DDX42: variants seen among roughly 807,000 people sequenced by gnomAD.
DDX42 encodes ATP-dependent RNA helicase DDX42.
Under a neutral mutation model 101.5 loss-of-function variants are expected in DDX42, and 22 were observed. The observed-to-expected ratio is 0.22, with a 90% CI of 0.15 to 0.31. The LOEUF (loss-of-function observed/expected upper bound fraction) is 0.31, where lower values mean the gene tolerates loss of function less well. Ranked by LOEUF, DDX42 falls within the 10% of genes least tolerant of loss-of-function variation. The pLI is 1.00. For missense variants in DDX42, 849 were observed against 1,199.9 expected, an observed-to-expected ratio of 0.71 and a Z score of 4.32; for synonymous variants, 402 against 401.2, an observed-to-expected ratio of 1.00 and a Z score of -0.02.
chr17:63,805,021 C>A (rs1385912012), intron 6 of DDX42, 50 bp from the exon 7 acceptor site: 3 of 1,551,116 alleles, frequency 1.9e-6, no homozygotes, highest in Admixed American at 2.3e-5. Context: ...ATCAAACTTA[C>A]AGAATTGACT....
At chr17:63,806,499 G>A (rs753875022) in intron 7 of DDX42, 36 bp from the exon 8 acceptor site, 4 of 1,595,192 alleles carry the variant, frequency 2.5e-6, no homozygotes, top group Non-Finnish European at 3.4e-6. Flanking sequence ...TAATGTTGAA[G>A]TACAAGTCAT....
chr17:63,808,517 A>T (rs1365003776), intron 9 of DDX42, among the ~76,000 whole-genome samples: 1 of 152,018 alleles, frequency 6.6e-6, no homozygotes, highest in Non-Finnish European at 1.5e-5. Context: ...TGATATGGGG[A>T]TTGTTTGTAT....
chr17:63,787,308 C>G (rs1567731557), intron 2 of DDX42, 38 bp downstream of exon 2: 1 of 1,598,918 alleles, frequency 6.3e-7, no homozygotes, highest in Non-Finnish European at 8.6e-7. Context: ...AAAGTTTGGA[C>G]TTTGATATAT....
Position 63,777,816 on chromosome 17 carries a change from A to C in DDX42, c.-17+3440A>C, listed in dbSNP as rs1234741876. ...GAGTTGGTATTTGAGATATGCTTTGAAGGATAGGACTTTGGTAGGTACTCA... is the reference window on the plus strand; with the variant it reads ...GAGTTGGTATTTGAGATATGCTTTGCAGGATAGGACTTTGGTAGGTACTCA... On this transcript the variant is annotated intron_variant, in intron 1 of 17. Transcript: ENST00000389924. Among the ~76,000 whole-genome samples the C allele has an allele frequency of 4.6e-5, 7 of 152,250 alleles. No individual in the cohort carries two copies. In the East Asian group the frequency reaches 1.3e-3, roughly 29 times the overall value.
intron 3 of DDX42, among the ~76,000 whole-genome samples, chr17:63,797,826 A>G (rs1490531408): frequency 6.6e-6 from 1 of 152,246 alleles, no homozygotes; most frequent in African/African-American, 2.4e-5. Flanking sequence ...GCACATTATT[A>G]CAGATAAAAT....
Position 63,786,979 on chromosome 17 carries a change from G to A in DDX42, c.-16-55G>A, listed in dbSNP as rs891993846. 3 of 1,586,474 alleles carry A rather than the reference G, an allele frequency of 1.9e-6. No homozygotes were observed. The African/African-American group carries it at 4.0e-5, about 21-fold the overall frequency. Reference sequence around the variant, plus strand: ...GCGTGACCCACCGCGCCCGGCCCTTGGGGCTATACACTTTTTTAAGTTTAA... The same window carrying A: ...GCGTGACCCACCGCGCCCGGCCCTTAGGGCTATACACTTTTTTAAGTTTAA... On this transcript the variant is annotated intron_variant, in intron 1 of 17. Coordinates refer to ENST00000389924, the MANE Select transcript of DDX42 (RefSeq NM_203499.3).
chr17:63,781,072 A>G (rs2039482165), intron 1 of DDX42, among the ~76,000 whole-genome samples: 1 of 152,132 alleles, frequency 6.6e-6, no homozygotes, highest in African/African-American at 2.4e-5. Flanking sequence ...TAAACAGCCT[A>G]CAAAGTACTC....
At chr17:63,788,771 G>A (rs1356178250) in intron 2 of DDX42, among the ~76,000 whole-genome samples, 1 of 152,118 alleles carries the variant, frequency 6.6e-6, no homozygotes, top group Non-Finnish European at 1.5e-5. Context: ...GGATTTAAGG[G>A]GTTGAGTTCT....
chr17:63,779,350 G>T (rs1471613749), intron 1 of DDX42, among the ~76,000 whole-genome samples: 1 of 151,956 alleles, frequency 6.6e-6, no homozygotes. Context: ...TGCAACCTCC[G>T]ACTCCTGGGT....
rs116164375 is a variant in DDX42 at position 63,802,313 on chromosome 17, G to T, written c.621+1696G>T. Among the ~76,000 whole-genome samples the T allele has an allele frequency of 2.5e-3, 379 of 152,280 alleles. 3 individuals carry two copies. Among genetic ancestry groups the T allele is most frequent in the African/African-American group, 8.8e-3 (367 of 41,568 alleles). ...TGGGAAGTACGCATAAAGCATTTCTGTTGCATACCAAAATATGATAGCCAT... is the reference window on the plus strand; with the variant it reads ...TGGGAAGTACGCATAAAGCATTTCTTTTGCATACCAAAATATGATAGCCAT... On this transcript the variant is annotated intron_variant, in intron 6 of 17. Transcript: ENST00000389924.
chr17:63,795,533 T>G (rs2039682762), intron 3 of DDX42, among the ~76,000 whole-genome samples: 2 of 152,134 alleles, frequency 1.3e-5, no homozygotes, highest in African/African-American at 4.8e-5. Flanking sequence ...TAGAAAATAT[T>G]TTTTCCCAGG....
chr17:63,785,755 A>G (rs1400652054), intron 1 of DDX42, among the ~76,000 whole-genome samples: 2 of 152,212 alleles, frequency 1.3e-5, no homozygotes, highest in African/African-American at 2.4e-5. Flanking sequence ...AGTGAATCAT[A>G]GTTTCTTCCT....
chr17:63,818,463 G>A lies in DDX42; in HGVS notation c.*65G>A, dbSNP rs951137823. On this transcript the variant is annotated 3_prime_UTR_variant, in exon 18 of 18. Coordinates refer to ENST00000389924, the MANE Select transcript of DDX42 (RefSeq NM_203499.3). ...TTTAGAAAGATTTTGGTAACTAGGT[G>A]TCTCAGGGCTGGGTTGGGGTCCAAA... The A allele has an allele frequency of 1.3e-6, 2 of 1,492,154 alleles. No individual in the cohort carries two copies. Among genetic ancestry groups the A allele is most frequent in the Non-Finnish European group, 1.8e-6 (2 of 1,112,262 alleles). The allele number at this position is 1,492,154 out of a possible 1,614,324, so 92.4% of individuals were successfully genotyped here. A position where few individuals can be genotyped will look rare whatever the true frequency, so the allele number is the denominator to read the frequency against.
At chr17:63,815,346 C>T (rs2039964005) in intron 15 of DDX42, among the ~76,000 whole-genome samples, 5 of 152,184 alleles carry the variant, frequency 3.3e-5, no homozygotes, top group Admixed American at 3.3e-4. Context: ...TGTAGGAAGC[C>T]TTAGATAAGG....
chr17:63,798,155 A>G (rs951965164), intron 4 of DDX42, 56 bp downstream of exon 4: 17 of 1,537,096 alleles, frequency 1.1e-5, no homozygotes, highest in East Asian at 2.3e-5. Flanking sequence ...GAAGTATTGC[A>G]AAGTCTATTC....
intron 2 of DDX42, among the ~76,000 whole-genome samples, chr17:63,788,312 T>C (rs899762072): frequency 1.4e-4 from 8 of 57,406 alleles, no homozygotes; most frequent in Admixed American, 9.7e-4. Context: ...ATCTGAGTCT[T>C]TTTTTTTTTT....
At chr17:63,808,470 G>A (rs752958752) in intron 9 of DDX42, among the ~76,000 whole-genome samples, 5 of 152,062 alleles carry the variant, frequency 3.3e-5, no homozygotes, top group Admixed American at 6.5e-5. Context: ...CACTGTGCCC[G>A]GCCAGAACTA....
chr17:63,818,957 T>C lies in DDX42; in HGVS notation c.*559T>C, dbSNP rs1204791852. ...CAGGTTTGCATCCAGCCCTGAGACA[T>C]GTAGGAAACACCTTTCAGACCCAGG... On this transcript the variant is annotated 3_prime_UTR_variant, in exon 18 of 18. Coordinates refer to ENST00000389924, the MANE Select transcript of DDX42 (RefSeq NM_203499.3). 1.3e-5 allele frequency: 2 copies of C among 153,544 alleles called. No homozygotes were observed. Among genetic ancestry groups the C allele is most frequent in the Non-Finnish European group, 2.9e-5 (2 of 68,792 alleles). 9.5% of individuals were successfully genotyped at this position (153,544 alleles called of 1,614,324 possible).
At chr17:63,773,868 G>C (rs2039376029), upstream of DDX42, 1 of 154,388 alleles carries the variant, frequency 6.5e-6, no homozygotes, top group African/African-American at 2.4e-5. Context: ...AGAGGCAAGA[G>C]TGTCGCTCTA....
Sources: gnomAD v4.1 joint callset for allele counts (sites outside exome capture counted in the v4.1 genomes callset) on GRCh38, gnomAD v4.1.1 for gene constraint, MANE v1.5 for transcripts, NCBI Gene and HGNC (gene_info 2026-07-23, HGNC 2026-07-21) for gene names.